The following TSPEAR variants were observed in gnomAD, a reference collection of about 807,000 sequenced individuals.
TSPEAR encodes the protein thrombospondin-type laminin G domain and EAR repeat-containing protein.
A neutral mutation model predicts 71.6 loss-of-function variants in TSPEAR; 69 were observed. That is an observed-to-expected ratio of 0.96 (90% confidence interval 0.79 to 1.18). The LOEUF is 1.18. Among genes scored for constraint, TSPEAR ranks in the 50% most tolerant of loss-of-function variants. The pLI is 0.00. For missense variants in TSPEAR, 971 were observed against 894.9 expected (o/e 1.09, Z -1.09); for synonymous variants, 402 against 387.2 (o/e 1.04, Z -0.45).
chr21:44,600,549 C>T lies in TSPEAR; in HGVS notation c.83-32544G>A, dbSNP rs1940769691. On this transcript the variant is annotated intron_variant, in intron 1 of 11. Transcript: ENST00000323084. ...TATAAAAGCCAACATCCCTGAGCAC[C>T]TAACACACGGACTCACTCACTCATT... The T allele has an allele frequency of 1.2e-5, 19 of 1,530,076 alleles. No homozygotes were observed. In the South Asian group the frequency reaches 2.4e-4, roughly 19 times the overall value. 94.8% of individuals were successfully genotyped at this position (1,530,076 alleles called of 1,614,324 possible). A position where few individuals can be genotyped will look rare whatever the true frequency, so the allele number is the denominator to read the frequency against.
Position 44,560,064 on chromosome 21 carries a change from G to T in TSPEAR, c.303+7721C>A, listed in dbSNP as rs587722984. On this transcript the variant is annotated intron_variant, in intron 2 of 11. Coordinates refer to ENST00000323084, the MANE Select transcript of TSPEAR (RefSeq NM_144991.3). Reference sequence around the variant, plus strand: ...CAAATTGGATGAAGAGTCATGACCCGTCAGTGTGCTGTATTCAGGAGACCC... The same window carrying T: ...CAAATTGGATGAAGAGTCATGACCCTTCAGTGTGCTGTATTCAGGAGACCC... 5.3e-5 allele frequency among the ~76,000 whole-genome samples: 8 copies of T among 152,174 alleles called. No individual in the cohort carries two copies. The East Asian group carries it at 1.5e-3, about 29-fold the overall frequency.
At chr21:44,592,039 G>A in intron 1 of TSPEAR, 1 of 1,601,152 alleles carries the variant, frequency 6.2e-7, no homozygotes, top group East Asian at 2.3e-5. Flanking sequence ...CTGGCAGGGG[G>A]AGGAGGTGCA....
intron 1 of TSPEAR, among the ~76,000 whole-genome samples, chr21:44,639,019 G>A (rs373827888): frequency 2.0e-5 from 3 of 152,254 alleles, no homozygotes; most frequent in Admixed American, 6.5e-5. Flanking sequence ...TATTCATGGG[G>A]TTCTGGAATA....
chr21:44,528,641 G>A (rs1555915280), intron 5 of TSPEAR, 58 bp from the exon 6 acceptor site: 11 of 1,592,414 alleles, frequency 6.9e-6, no homozygotes, highest in East Asian at 4.5e-5. Flanking sequence ...AAAGGAAGAC[G>A]ACACAGGAAG....
chr21:44,629,415 G>A (rs1421006532), intron 1 of TSPEAR, among the ~76,000 whole-genome samples: 1 of 152,180 alleles, frequency 6.6e-6, no homozygotes, highest in African/African-American at 2.4e-5. Context: ...TTCTCCCTGT[G>A]TCCTTACGGG....
At chr21:44,561,424 T>C (rs1485417553) in intron 2 of TSPEAR, among the ~76,000 whole-genome samples, 3 of 152,218 alleles carry the variant, frequency 2.0e-5, no homozygotes, top group Non-Finnish European at 4.4e-5. Flanking sequence ...GTGGTACCAT[T>C]CCTTCTGAAA....
chr21:44,601,071 C>T (rs1555928562), intron 1 of TSPEAR: 1 of 1,610,032 alleles, frequency 6.2e-7, no homozygotes, highest in African/African-American at 1.4e-5. Context: ...CCTCCTCCCC[C>T]TGCCAGCAGG....
rs781850578 is a variant in TSPEAR, at chr21:44,614,269, C to T, written c.83-46264G>A. Among the ~76,000 whole-genome samples the T allele has an allele frequency of 1.6e-3, 245 of 152,390 alleles. 2 individuals are homozygous for T. The highest frequency in any genetic ancestry group is 5.3e-4 in the Non-Finnish European group (36 of 68,040). ...ACGGTCTGAGCTGGGGATGGCCGTC[C>T]CCACTGACGTCAGGCAGCCCTAAGT... On this transcript the variant is annotated intron_variant, in intron 1 of 11. Coordinates refer to ENST00000323084, the MANE Select transcript of TSPEAR (RefSeq NM_144991.3).
chr21:44,638,727 A>T, intron 1 of TSPEAR, among the ~76,000 whole-genome samples: 1 of 151,796 alleles, frequency 6.6e-6, no homozygotes, highest in East Asian at 2.0e-4. Flanking sequence ...GGCCCATCTT[A>T]GGAAAGCTGC....
At chr21:44,620,942 TAGG>T (rs1555933395) in intron 1 of TSPEAR, among the ~76,000 whole-genome samples, 8 of 152,256 alleles carry the variant, frequency 5.3e-5, no homozygotes, top group Non-Finnish European at 1.0e-4. Context: ...AGTGTGCTAT[TAGG>T]TTACACATAT....
intron 1 of TSPEAR, chr21:44,575,083 G>T: frequency 1.4e-6 from 2 of 1,443,786 alleles, no homozygotes; most frequent in South Asian, 1.3e-5. Context: ...GCTGATAGTC[G>T]CGTCCTGAAT....
chr21:44,545,401 C>CTAGGGGGTTTAGA (rs1555917660), intron 2 of TSPEAR, among the ~76,000 whole-genome samples: 4 of 151,802 alleles, frequency 2.6e-5, no homozygotes, highest in Non-Finnish European at 5.9e-5. Context: ...TTGAAGAACC[C>CTAGGGGGTTTAGA]CCTAAACAGG....
chr21:44,516,491 C>G (rs1218414536), intron 9 of TSPEAR: 2 of 152,278 alleles, frequency 1.3e-5, no homozygotes, highest in South Asian at 2.1e-4. Context: ...TGCAGGGCCT[C>G]TGCTCTCCTT....
chr21:44,656,426 G>A (rs1392999678), intron 1 of TSPEAR, among the ~76,000 whole-genome samples: 1 of 151,984 alleles, frequency 6.6e-6, no homozygotes, highest in African/African-American at 2.4e-5. Context: ...TGTTTTGAAG[G>A]ATTTTTTTCA....
intron 1 of TSPEAR, among the ~76,000 whole-genome samples, chr21:44,660,435 T>A (rs1453973806): frequency 6.6e-6 from 1 of 152,212 alleles, no homozygotes; most frequent in Non-Finnish European, 1.5e-5. Context: ...AGAGTTTACA[T>A]CAGACTTCTA....
chr21:44,591,795 C>T, intron 1 of TSPEAR: 2 of 1,587,700 alleles, frequency 1.3e-6, no homozygotes, highest in Non-Finnish European at 1.7e-6. Context: ...AGCAGACGGG[C>T]ACGCAGCAGG....
rs1409817798 is a variant in TSPEAR, at chr21:44,506,828, A to T, written c.1755-1947T>A. ...ACGTCGGATGTACCAGTGGTGGAAG[A>T]TCCTGTCCGGCTGCACCGAGGCTCA... On this transcript the variant is annotated intron_variant, in intron 10 of 11. Transcript: ENST00000323084. The surrounding 1 kb of genome is among the most constrained non-coding windows in gnomAD (Gnocchi z 4.2). The T allele has an allele frequency of 6.6e-6, 1 of 152,028 alleles. No homozygotes were observed. The highest frequency in any genetic ancestry group is 1.5e-5 in the Non-Finnish European group (1 of 68,016). 9.4% of individuals were successfully genotyped at this position (152,028 alleles called of 1,614,324 possible).
chr21:44,598,143 T>G (rs1465787700), intron 1 of TSPEAR, among the ~76,000 whole-genome samples: 1 of 152,144 alleles, frequency 6.6e-6, no homozygotes, highest in Admixed American at 6.5e-5. Context: ...ATCACTAGCA[T>G]TATCAGCACC....
chr21:44,527,242 G>A (rs1448042852), intron 7 of TSPEAR, 50 bp downstream of exon 7: 1 of 1,604,042 alleles, frequency 6.2e-7, no homozygotes, highest in African/African-American at 1.3e-5. Flanking sequence ...TGTGGACTCG[G>A]GGCTTTCCAA....
Sources: allele counts gnomAD v4.1 joint callset (sites outside exome capture counted in the v4.1 genomes callset), GRCh38; gene constraint gnomAD v4.1.1; non-coding constraint Gnocchi (gnomAD v3.1); transcripts MANE v1.5; gene names NCBI Gene and HGNC (gene_info 2026-07-23, HGNC 2026-07-21).